Variants in ATAD2B observed in about 807,000 individuals in gnomAD.
The protein encoded by ATAD2B is ATPase family AAA domain containing 2B.
ATAD2B carries 40 observed loss-of-function variants against 167.6 expected under a neutral mutation model. The ratio of observed to expected loss-of-function variants is 0.24; its 90% CI spans 0.19 to 0.31. ATAD2B has a LOEUF of 0.31. Among genes scored for constraint, ATAD2B ranks in the 10% least tolerant of loss-of-function variants. ATAD2B has a pLI of 1.00. For missense variants in ATAD2B, 1,242 were observed against 1,757.2 expected (o/e 0.71, Z 5.24); for synonymous variants, 579 against 596.5 (o/e 0.97, Z 0.43).
At position 23,880,740 on chromosome 2, in the gene ATAD2B, T is replaced by G; in HGVS notation, c.800A>C (p.Asp267Ala). The stretch of plus-strand genomic sequence containing the variant: ...TGCCTCTTCAACTTCTATATCTCCA[T>G]CCTCCTCTTGAGATTCTAGTTTCCC... ...EGEEEESQEE[D>A]GDIEVEEAEG... Residue 267 changes from aspartate to alanine, a missense_variant, in exon 7 of 28, where the codon GAT (aspartate) becomes GCT (alanine). By Grantham distance (126) the Asp-to-Ala change is moderately radical (BLOSUM62 -2). Around this residue, in one of 9 missense-constraint regions of ATAD2B, gnomAD observed 99 missense variants for 160.4 expected, o/e 0.62. Transcript: ENST00000238789. 2 of 1,596,646 alleles carry G rather than the reference T, an allele frequency of 1.3e-6. No homozygotes were observed. Among genetic ancestry groups the G allele is most frequent in the Non-Finnish European group, 1.7e-6 (2 of 1,167,506 alleles).
At position 23,810,417 on chromosome 2, in the gene ATAD2B, G is replaced by C. The variant is rs1685370106; in HGVS notation, c.2353C>G (p.Pro785Ala). 6.2e-7 allele frequency: 1 copy of C among 1,613,906 alleles called. No individual in the cohort carries two copies. Among genetic ancestry groups the C allele is most frequent in the Non-Finnish European group, 8.5e-7 (1 of 1,179,840 alleles). The change falls in exon 18 of 28, where the codon CCA becomes GCA. Residue 785 changes from proline (P) to alanine (A), a missense_variant. By Grantham distance (27) the Pro-to-Ala change is conservative. Transcript: ENST00000238789. ...CTTTCTAGAGTGTGCAAAAGTGCTG[G>C]AGCAAGGTGAGAAGTTTGACCTGAG... ...RGSGQTSHLA[P>A]ALLHTLERFS...
At chr2:23,695,577 C>G in the ATAD2B span, 1 of 1,346,506 alleles carries the variant, frequency 7.4e-7, no homozygotes, top group South Asian at 1.4e-5. This position sits in a 1 kb window ranked among gnomAD's most constrained non-coding sequence, Gnocchi z 7.6. Flanking sequence ...CGGGAGGTGG[C>G]TCTCTCTTGC....
intron 1 of ATAD2B, among the ~76,000 whole-genome samples, chr2:23,905,094 A>T (rs2150458813): frequency 6.6e-6 from 1 of 152,334 alleles, no homozygotes; most frequent in South Asian, 2.1e-4. Flanking sequence ...TAGGAGATAC[A>T]GAAAGATTAA....
intron 12 of ATAD2B, among the ~76,000 whole-genome samples, chr2:23,858,029 C>T (rs1693704494): frequency 6.6e-6 from 1 of 152,022 alleles, no homozygotes; most frequent in Admixed American, 6.6e-5. Context: ...AGGTGTGAGC[C>T]ACCACACCCG....
At chr2:23,869,826 T>C in intron 8 of ATAD2B, 65 bp from the exon 9 acceptor site, 1 of 1,002,642 alleles carries the variant, frequency 1.0e-6, no homozygotes, top group Non-Finnish European at 1.5e-6. Context: ...AAACACACTG[T>C]AATATCTACA....
the ATAD2B span, among the ~76,000 whole-genome samples, chr2:23,724,455 A>G: frequency 7.2e-5 from 11 of 152,138 alleles, no homozygotes; most frequent in African/African-American, 2.2e-4. Context: ...TCTGAATAAC[A>G]GAGAAAGATA....
intron 1 of ATAD2B, among the ~76,000 whole-genome samples, chr2:23,920,827 T>C (rs1273297776): frequency 6.6e-6 from 1 of 152,174 alleles, no homozygotes; most frequent in Non-Finnish European, 1.5e-5. Flanking sequence ...CAGTAACTCA[T>C]TGTTCATAGA....
intron 24 of ATAD2B, among the ~76,000 whole-genome samples, chr2:23,761,651 C>G (rs1676757723): frequency 6.6e-6 from 1 of 152,186 alleles, no homozygotes; most frequent in Non-Finnish European, 1.5e-5. Context: ...TGTTTATTAA[C>G]ATTTGACTTT....
intron 17 of ATAD2B, among the ~76,000 whole-genome samples, chr2:23,814,442 C>T (rs1440303586): frequency 2.0e-5 from 3 of 152,058 alleles, no homozygotes; most frequent in African/African-American, 7.2e-5. Flanking sequence ...GTACACAGTG[C>T]TATGGAAGAT....
At chr2:23,855,149 G>A (rs1359823105) in intron 13 of ATAD2B, among the ~76,000 whole-genome samples, 1 of 147,838 alleles carries the variant, frequency 6.8e-6, no homozygotes, top group Admixed American at 6.8e-5. Context: ...AGCTGAGATC[G>A]CACCACTGCA....
At chr2:23,698,978 T>C in the ATAD2B span, among the ~76,000 whole-genome samples, 1 of 152,242 alleles carries the variant, frequency 6.6e-6, no homozygotes, top group Admixed American at 6.5e-5. Context: ...CCCTGCCATA[T>C]TGGCTTAAAA....
At chr2:23,887,753 C>T in intron 4 of ATAD2B, 79 bp downstream of exon 4, 5 of 1,308,158 alleles carry the variant, frequency 3.8e-6, no homozygotes, top group Non-Finnish European at 5.2e-6. Flanking sequence ...TAAGTCGTTG[C>T]TTATGTTATT....
chr2:23,711,545 T>G, the ATAD2B span, among the ~76,000 whole-genome samples: 3 of 151,760 alleles, frequency 2.0e-5, no homozygotes, highest in East Asian at 5.8e-4. Context: ...AATTTTTGTA[T>G]TTTTAGTAGA....
At chr2:23,683,368 C>A in the ATAD2B span, among the ~76,000 whole-genome samples, 6 of 152,246 alleles carry the variant, frequency 3.9e-5, no homozygotes, top group African/African-American at 1.4e-4. Flanking sequence ...ACATTAAGGG[C>A]AGGCTTTGCC....
chr2:23,770,329 CAAATAAAT>C (rs1553377192), intron 22 of ATAD2B, among the ~76,000 whole-genome samples: 2 of 150,976 alleles, frequency 1.3e-5, no homozygotes, highest in South Asian at 2.1e-4. Flanking sequence ...AATAAATAAA[CAAATAAAT>C]AAATAAATAA....
intron 22 of ATAD2B, among the ~76,000 whole-genome samples, chr2:23,778,814 G>C (rs1323786034): frequency 6.6e-6 from 1 of 152,212 alleles, no homozygotes; most frequent in Non-Finnish European, 1.5e-5. Flanking sequence ...CAAAGTTAAA[G>C]AGCTAGGAAA....
At chr2:23,873,575 T>C (rs1271262269) in intron 8 of ATAD2B, among the ~76,000 whole-genome samples, 1 of 152,222 alleles carries the variant, frequency 6.6e-6, no homozygotes, top group African/African-American at 2.4e-5. Flanking sequence ...AAATTAATTA[T>C]AATACCTAAT....
At chr2:23,777,612 A>G (rs1405145233) in intron 22 of ATAD2B, among the ~76,000 whole-genome samples, 1 of 152,204 alleles carries the variant, frequency 6.6e-6, no homozygotes, top group Non-Finnish European at 1.5e-5. Context: ...AATCCTATAC[A>G]ATTTGAACAA....
the ATAD2B span, among the ~76,000 whole-genome samples, chr2:23,724,471 AT>A: frequency 6.6e-6 from 1 of 152,098 alleles, no homozygotes; most frequent in Non-Finnish European, 1.5e-5. Flanking sequence ...AGATATATAT[AT>A]TTTTTAAATT....
Sources: allele counts gnomAD v4.1 joint callset (sites outside exome capture counted in the v4.1 genomes callset), GRCh38; gene constraint gnomAD v4.1.1; regional missense constraint gnomAD v4.1.1; non-coding constraint Gnocchi (gnomAD v3.1); transcripts MANE v1.5; gene names NCBI Gene and HGNC (gene_info 2026-07-23, HGNC 2026-07-21).